SLC22A12: variants seen among roughly 807,000 people sequenced by gnomAD.
SLC22A12 encodes the protein organic anion transporter 4-like protein.
In SLC22A12, 56 loss-of-function variants were observed where a neutral mutation model predicts 52.7. The observed-to-expected ratio is 1.06, with a 90% CI of 0.86 to 1.33. SLC22A12 has a LOEUF of 1.33. Ranked by LOEUF, SLC22A12 falls within the 40% of genes most tolerant of loss-of-function variation. The pLI, the probability that SLC22A12 is intolerant of heterozygous loss-of-function variation, is 0.00. For synonymous variants in SLC22A12, 337 were observed against 324.6 expected (o/e 1.04, Z -0.41); for missense variants, 683 against 741.5 (o/e 0.92, Z 0.92).
At chr11:64,595,109 A>G (rs2039085496) in intron 4 of SLC22A12, among the ~76,000 whole-genome samples, 6 of 120,256 alleles carry the variant, frequency 5.0e-5, no homozygotes, top group Non-Finnish European at 7.1e-5. Flanking sequence ...GGATGGATGG[A>G]TGGATGGATG....
intron 6 of SLC22A12, 38 bp downstream of exon 6, chr11:64,598,961 A>G (rs761545590): frequency 1.9e-6 from 3 of 1,607,680 alleles, no homozygotes; most frequent in South Asian, 1.1e-5. Flanking sequence ...CCACAGGGGA[A>G]CCTGGAATCG....
Position 64,598,808 on chromosome 11 carries a change from G to T in SLC22A12, c.955G>T (p.Val319Phe). The T allele has an allele frequency of 1.9e-6, 3 of 1,612,536 alleles. No individual in the cohort carries two copies. The highest frequency in any genetic ancestry group is 2.5e-6 in the Non-Finnish European group (3 of 1,179,992). The change falls in exon 6 of 10, where the codon GTC becomes TTC. Residue 319 changes from valine to phenylalanine, a missense_variant and splice_region_variant. Physicochemically the swap from Val to Phe is conservative, Grantham distance 50 (BLOSUM62 -1). Coordinates refer to ENST00000377574, the MANE Select transcript of SLC22A12 (RefSeq NM_144585.4). Reference sequence around the variant, plus strand: ...ACAGCACCCACCCCCGCCTCCACAGGTCTTGCTTTCAGCCATGCGGGAGGA... The same window carrying T: ...ACAGCACCCACCCCCGCCTCCACAGTTCTTGCTTTCAGCCATGCGGGAGGA... ...GAVQDTLTPEVLLSAMREELS... is the reference protein window; with the variant it reads ...GAVQDTLTPEFLLSAMREELS...
Position 64,601,849 on chromosome 11 carries a change from G to T in SLC22A12, c.*298G>T. ...GCAGAGGGGTCAGGCCCAGGGGAAC[G>T]AGCTGGCCTTGCCAACCCTCTGCTT... is the stretch of plus-strand genomic sequence containing the variant. On this transcript the variant is annotated 3_prime_UTR_variant, in exon 10 of 10. Coordinates refer to ENST00000377574, the MANE Select transcript of SLC22A12 (RefSeq NM_144585.4). The T allele has an allele frequency of 2.4e-6, 1 of 420,710 alleles. No homozygotes were observed. Among genetic ancestry groups the T allele is most frequent in the Non-Finnish European group, 4.5e-6 (1 of 223,220 alleles). 26.1% of individuals were successfully genotyped at this position (420,710 alleles called of 1,614,324 possible).
At chr11:64,593,258 T>C (rs545650699) in intron 2 of SLC22A12, 147 bp from the exon 3 acceptor site, 1 of 1,273,574 alleles carries the variant, frequency 7.9e-7, no homozygotes, top group South Asian at 1.2e-5. Context: ...GTTCCGTAGG[T>C]GGAGAATGTA....
In SLC22A12 at chr11:64,601,069, A is replaced by G. The variant is rs1190986816; in HGVS notation, c.1598+131A>G. The G allele has an allele frequency of 3.3e-6, 4 of 1,202,846 alleles. No homozygotes were observed. The East Asian group carries it at 7.6e-5, about 23-fold the overall frequency. 74.5% of individuals were successfully genotyped at this position (1,202,846 alleles called of 1,614,324 possible). A position where few individuals can be genotyped will look rare whatever the true frequency, so the allele number is the denominator to read the frequency against. On this transcript the variant is annotated intron_variant, in intron 9 of 9. Transcript: ENST00000377574. ...GCCCAGACAGATAGGATTGGCCCAG[A>G]GTCACACAGTACATCTCTGGGAGAG...
chr11:64,601,821 A>G lies in SLC22A12; in HGVS notation c.*270A>G, dbSNP rs1037945295. ...CCCTGCCCTGCCCTCGTGGCTTCGG[A>G]GAGCAGAGGGGTCAGGCCCAGGGGA... On this transcript the variant is annotated 3_prime_UTR_variant, in exon 10 of 10. Transcript: ENST00000377574. The G allele has an allele frequency of 2.2e-5, 10 of 458,678 alleles. No homozygotes were observed. The highest frequency in any genetic ancestry group is 1.8e-4 in the South Asian group (9 of 48,878). The allele number at this position is 458,678 out of a possible 1,614,324, so 28.4% of individuals were successfully genotyped here.
At position 64,593,548 on chromosome 11, in the gene SLC22A12, C is replaced by G. The variant is rs121907893; in HGVS notation, c.650C>G (p.Thr217Arg). 2 of 1,614,184 alleles carry G rather than the reference C, an allele frequency of 1.2e-6. No individual in the cohort carries two copies. Among genetic ancestry groups the G allele is most frequent in the East Asian group, 2.2e-5 (1 of 44,888 alleles). Residue 217 changes from threonine (T) to arginine (R), a missense_variant, in exon 3 of 10, where the codon ACG becomes AGG. Transcript: ENST00000377574. ...GCCGTGGCAGGCGTCATGATGAACACGGGCACTCTCCGTAGGTCTCTGACC... is the reference window on the plus strand; with the variant it reads ...GCCGTGGCAGGCGTCATGATGAACAGGGGCACTCTCCGTAGGTCTCTGACC... ...AFAVAGVMMN[T>R]GTLLMEWTAA...
chr11:64,600,330 C>T (rs754109680), intron 7 of SLC22A12, 37 bp from the exon 8 acceptor site: 1 of 1,494,150 alleles, frequency 6.7e-7, no homozygotes, highest in South Asian at 1.2e-5. Context: ...GATCTTGGGC[C>T]CCCCACCAAG....
In SLC22A12 at chr11:64,600,370, TG is replaced by T; in HGVS notation, c.1294del (p.Ala432LeufsTer35). 1.2e-6 allele frequency: 2 copies of T among 1,601,320 alleles called. No homozygotes were observed. Among genetic ancestry groups the T allele is most frequent in the African/African-American group, 1.3e-5 (1 of 74,880 alleles). On this transcript the variant is annotated frameshift_variant, in exon 8 of 10. Transcript: ENST00000377574. LOFTEE classifies it high-confidence loss of function. The part of the protein sequence containing the change: ...ILANTLVPHE[M>X]GALRSALAVL... ...CTAATCCCATCTCTACCCACAGAAA[TG>T]GGGGCTCTGCGCTCAGCCTTGGCCG...
At chr11:64,597,784 C>A (rs78160447) in intron 4 of SLC22A12, among the ~76,000 whole-genome samples, 2 of 152,072 alleles carry the variant, frequency 1.3e-5, no homozygotes, top group Non-Finnish European at 2.9e-5. Context: ...CGGGGCGGGA[C>A]GGTGTGGCAT....
chr11:64,592,077 C>T lies in SLC22A12; in HGVS notation c.402+119C>T, dbSNP rs7118722. 239 of 1,448,722 alleles carry T rather than the reference C, an allele frequency of 1.6e-4. 1 individual carries two copies. In the Middle Eastern group the frequency reaches 4.6e-3, roughly 28 times the overall value. 89.7% of individuals were successfully genotyped at this position (1,448,722 alleles called of 1,614,324 possible). ...GACCCACCTCCCCAGGCCCCACTCA[C>T]TCTCGAGCCTCTCAGCCCCTCGTCA... On this transcript the variant is annotated intron_variant, in intron 1 of 9. Coordinates refer to ENST00000377574, the MANE Select transcript of SLC22A12 (RefSeq NM_144585.4).
At chr11:64,592,683 G>A (rs540694403) in intron 1 of SLC22A12, 96 bp from the exon 2 acceptor site, 66 of 989,876 alleles carry the variant, frequency 6.7e-5, no homozygotes, top group South Asian at 5.2e-4. Flanking sequence ...ACCACCCACC[G>A]CACCCAGCTC....
At chr11:64,599,600 G>GTTCCCCCCCCCCCCCCCCCCCCCCCCCC in intron 6 of SLC22A12, 76 bp from the exon 7 acceptor site, 1 of 141,254 alleles carries the variant, frequency 7.1e-6, no homozygotes, top group Non-Finnish European at 1.1e-5. Context: ...AGCCCCCACC[G>GTTCCCCCCCCCCCCCCCCCCCCCCCCCC]CCCATTGTTC....
intron 4 of SLC22A12, among the ~76,000 whole-genome samples, chr11:64,594,826 A>T (rs557227179): frequency 6.8e-6 from 1 of 147,454 alleles, no homozygotes; most frequent in Admixed American, 6.7e-5. Context: ...GGATGGGTGG[A>T]TGGACGGACG....
At chr11:64,595,397 G>A (rs1239164601) in intron 4 of SLC22A12, among the ~76,000 whole-genome samples, 11 of 122,804 alleles carry the variant, frequency 9.0e-5, no homozygotes, top group Admixed American at 4.1e-4. Context: ...ATGGATGGAC[G>A]GACGGATGGA....
In SLC22A12 at chr11:64,601,585, G is replaced by A; in HGVS notation, c.*34G>A. 6.2e-7 allele frequency: 1 copy of A among 1,609,372 alleles called. No individual in the cohort carries two copies. Among genetic ancestry groups the A allele is most frequent in the East Asian group, 2.2e-5 (1 of 44,812 alleles). On this transcript the variant is annotated 3_prime_UTR_variant, in exon 10 of 10. Transcript: ENST00000377574. ...GGAACCTGCGATGGGACGGTCAGAGGAAGAGACTTCTTCTGTTCTCTGGAG... is the reference window on the plus strand; with the variant it reads ...GGAACCTGCGATGGGACGGTCAGAGAAAGAGACTTCTTCTGTTCTCTGGAG...
At chr11:64,596,088 G>A (rs1398628219) in intron 4 of SLC22A12, among the ~76,000 whole-genome samples, 1 of 151,340 alleles carries the variant, frequency 6.6e-6, no homozygotes, top group Non-Finnish European at 1.5e-5. Flanking sequence ...TTTGATGGTT[G>A]AATGGATGGA....
At chr11:64,599,622 A>ACCCCCCCCCCCCCCCCCCCCCCCC in intron 6 of SLC22A12, 54 bp from the exon 7 acceptor site, 1 of 16,152 alleles carries the variant, frequency 6.2e-5, no homozygotes, top group Non-Finnish European at 1.1e-4. Context: ...CACCCTGCCC[A>ACCCCCCCCCCCCCCCCCCCCCCCC]CCACCCCCCC....
rs766445551 is a variant in SLC22A12 at position 64,592,840 on chromosome 11, G to C, written c.464G>C (p.Gly155Ala). 5 of 1,613,954 alleles carry C rather than the reference G, an allele frequency of 3.1e-6. No individual in the cohort carries two copies. In the South Asian group the frequency reaches 3.3e-5, roughly 11 times the overall value. The stretch of plus-strand genomic sequence containing the variant: ...ATGGCCCAGTCCATCTACCTGGCTG[G>C]GATTCTGGTGGGAGCTGCTGCGTGC... Reference protein sequence around the residue: ...KPMAQSIYLAGILVGAAACGP... With the variant: ...KPMAQSIYLAAILVGAAACGP... The change falls in exon 2 of 10, where the codon GGG becomes GCG. Residue 155 changes from glycine to alanine, a missense_variant. Physicochemically the swap from Gly to Ala is moderately conservative, Grantham distance 60. Transcript: ENST00000377574.
Sources: gnomAD v4.1 joint callset for allele counts (sites outside exome capture counted in the v4.1 genomes callset) on GRCh38, gnomAD v4.1.1 for gene constraint, MANE v1.5 for transcripts, NCBI Gene and HGNC (gene_info 2026-07-23, HGNC 2026-07-21) for gene names.